The following BACH2 variants were observed in gnomAD, a reference collection of about 807,000 sequenced individuals.
BACH2 encodes the protein transcription regulator protein BACH2.
Under a neutral mutation model 61.8 loss-of-function variants are expected in BACH2, and 5 were observed. That is an observed-to-expected ratio of 0.08 (90% confidence interval 0.04 to 0.17). The LOEUF (loss-of-function observed/expected upper bound fraction) is 0.17, where lower values mean the gene tolerates loss of function less well. Ranked by LOEUF, BACH2 falls within the 10% of genes least tolerant of loss-of-function variation. The pLI is 1.00. For synonymous variants in BACH2, 446 were observed against 440.1 expected (o/e 1.01, Z -0.17); for missense variants, 824 against 1,091.1 (o/e 0.76, Z 3.45).
chr6:90,241,897 TG>T (rs1265153427), intron 3 of BACH2, among the ~76,000 whole-genome samples: 1 of 152,136 alleles, frequency 6.6e-6, no homozygotes, highest in Admixed American at 6.5e-5. Flanking sequence ...CTTGGAGTAT[TG>T]TTTTTTTATT....
intron 6 of BACH2, among the ~76,000 whole-genome samples, chr6:89,970,305 C>T (rs1192701594): frequency 1.3e-5 from 2 of 152,158 alleles, no homozygotes; most frequent in Non-Finnish European, 2.9e-5. Flanking sequence ...GCGCCGCCGA[C>T]AGGCTTTGAT....
chr6:90,204,613 T>A (rs1769077629), intron 4 of BACH2, among the ~76,000 whole-genome samples: 1 of 152,136 alleles, frequency 6.6e-6, no homozygotes, highest in South Asian at 2.1e-4. Context: ...GGAGAGTGAA[T>A]CCATGACATT....
At chr6:90,210,311 CAACA>C (rs1407361216) in intron 3 of BACH2, among the ~76,000 whole-genome samples, 1 of 97,900 alleles carries the variant, frequency 1.0e-5, no homozygotes, top group East Asian at 2.6e-4. Flanking sequence ...CACCCCAAAA[CAACA>C]CACACACACA....
intron 3 of BACH2, among the ~76,000 whole-genome samples, chr6:90,241,097 T>C (rs1418326027): frequency 7.1e-6 from 1 of 141,546 alleles, no homozygotes; most frequent in Non-Finnish European, 1.5e-5. Context: ...ATCGCCCCAC[T>C]GCACTCCAGC....
At position 89,932,227 on chromosome 6, in the gene BACH2, A is replaced by G. The variant is rs1584492710; in HGVS notation, c.*181T>C. ...AAGGGGTAGCACCATTGTGAAGGTA[A>G]CTATCACTCCTGCTCGAGAAGAGGA... is the stretch of plus-strand genomic sequence containing the variant. On this transcript the variant is annotated 3_prime_UTR_variant, in exon 9 of 9. Coordinates refer to ENST00000257749, the MANE Select transcript of BACH2 (RefSeq NM_021813.4). The G allele has an allele frequency of 8.7e-6, 7 of 807,048 alleles. No individual in the cohort carries two copies. In the East Asian group the frequency reaches 1.8e-4, roughly 20 times the overall value. 50.0% of individuals were successfully genotyped at this position (807,048 alleles called of 1,614,324 possible). A position where few individuals can be genotyped will look rare whatever the true frequency, so the allele number is the denominator to read the frequency against.
At chr6:90,227,004 C>T (rs943372402) in intron 3 of BACH2, among the ~76,000 whole-genome samples, 1 of 152,114 alleles carries the variant, frequency 6.6e-6, no homozygotes, top group African/African-American at 2.4e-5. Context: ...CCAAGACAGG[C>T]CATCAAGGAA....
chr6:90,148,157 C>T (rs1396661891), intron 4 of BACH2, among the ~76,000 whole-genome samples: 6 of 152,150 alleles, frequency 3.9e-5, no homozygotes, highest in African/African-American at 1.4e-4. Flanking sequence ...GCATCGTGCA[C>T]TAGCCAGGAA....
At chr6:90,173,103 C>T (rs1194291355) in intron 4 of BACH2, among the ~76,000 whole-genome samples, 2 of 149,914 alleles carry the variant, frequency 1.3e-5, no homozygotes, top group African/African-American at 4.9e-5. Context: ...AGAAGAAAAA[C>T]CATGGAACTA....
chr6:89,992,105 A>G (rs547192564), intron 6 of BACH2, among the ~76,000 whole-genome samples: 2 of 151,724 alleles, frequency 1.3e-5, no homozygotes, highest in Non-Finnish European at 2.9e-5. Context: ...CAAACCTTTC[A>G]CTCTGTTGCC....
rs80334385 is a variant in BACH2, at chr6:90,009,557, A to C, written c.-12-701T>G. On this transcript the variant is annotated intron_variant, in intron 5 of 8. Transcript: ENST00000257749. ...AGCTGAATTGATGTACATCCCCTTT[A>C]AGGAAACACAATATATCACAATAGC... Among the ~76,000 whole-genome samples, 469 of 152,372 alleles carry C rather than the reference A, an allele frequency of 3.1e-3. 4 individuals are homozygous for C. Among genetic ancestry groups the C allele is most frequent in the African/African-American group, 0.011 (448 of 41,586 alleles).
intron 4 of BACH2, among the ~76,000 whole-genome samples, chr6:90,171,471 C>T (rs78331026): frequency 0.056 from 8,401 of 150,790 alleles, 342 homozygotes; most frequent in South Asian, 0.11. Flanking sequence ...CCAGAAATTA[C>T]ATATCCATGT....
At position 89,972,084 on chromosome 6, in the gene BACH2, T is replaced by C. The variant is rs532880370; in HGVS notation, c.244-20222A>G. ...ATGTGCAAAGACCTAAGAGAGAACATAGCATGCAGTGTGGTGTGGCAGGAG... is the reference window on the plus strand; with the variant it reads ...ATGTGCAAAGACCTAAGAGAGAACACAGCATGCAGTGTGGTGTGGCAGGAG... On this transcript the variant is annotated intron_variant, in intron 6 of 8. Transcript: ENST00000257749. 4.6e-5 allele frequency among the ~76,000 whole-genome samples: 7 copies of C among 152,156 alleles called. No homozygotes were observed. In the East Asian group the frequency reaches 1.4e-3, roughly 29 times the overall value.
intron 5 of BACH2, among the ~76,000 whole-genome samples, chr6:90,013,118 C>T (rs926394469): frequency 3.3e-5 from 5 of 151,972 alleles, no homozygotes; most frequent in Non-Finnish European, 7.4e-5. Context: ...GTATTTTGAT[C>T]TTGTATCTGG....
intron 5 of BACH2, among the ~76,000 whole-genome samples, chr6:90,052,828 C>G (rs1321746406): frequency 6.6e-6 from 1 of 152,152 alleles, no homozygotes; most frequent in Admixed American, 6.5e-5. Context: ...CACTGTATAG[C>G]TGAATTGGTA....
chr6:90,055,597 C>A (rs1780297760), intron 5 of BACH2, among the ~76,000 whole-genome samples: 2 of 149,320 alleles, frequency 1.3e-5, no homozygotes, highest in South Asian at 4.2e-4. Flanking sequence ...GGCAGGCCAA[C>A]ATTCAGATTC....
intron 6 of BACH2, among the ~76,000 whole-genome samples, chr6:89,998,343 A>G (rs1468086034): frequency 3.3e-5 from 5 of 152,222 alleles, no homozygotes; most frequent in African/African-American, 1.2e-4. Flanking sequence ...GCTGCACACG[A>G]AAGTCCATCT....
intron 4 of BACH2, among the ~76,000 whole-genome samples, chr6:90,095,228 G>GT (rs35734303): frequency 0.041 from 6,069 of 147,534 alleles, 279 homozygotes; most frequent in African/African-American, 0.12. Context: ...CAGAGATGAA[G>GT]TTTTTTTTTT....
chr6:90,044,399 G>A (rs546512595), intron 5 of BACH2, among the ~76,000 whole-genome samples: 6 of 152,338 alleles, frequency 3.9e-5, no homozygotes, highest in South Asian at 4.1e-4. Flanking sequence ...AAAGGCCAGA[G>A]TGCATGGAGG....
At chr6:89,976,452 A>C (rs112030943) in intron 6 of BACH2, among the ~76,000 whole-genome samples, 41 of 152,192 alleles carry the variant, frequency 2.7e-4, no homozygotes, top group African/African-American at 8.9e-4. Flanking sequence ...AACTTGAAAG[A>C]TATATGAACC....
Sources: allele counts gnomAD v4.1 joint callset (sites outside exome capture counted in the v4.1 genomes callset), GRCh38; gene constraint gnomAD v4.1.1; transcripts MANE v1.5; gene names NCBI Gene and HGNC (gene_info 2026-07-23, HGNC 2026-07-21).